IKZF2: variants seen among roughly 807,000 people sequenced by gnomAD.
IKZF2 encodes the protein IKAROS family zinc finger 2, also known as zinc finger protein Helios.
IKZF2 carries 15 observed loss-of-function variants against 49.2 expected under a neutral mutation model. The observed-to-expected ratio is 0.30, with a 90% confidence interval of 0.20 to 0.47. The LOEUF (loss-of-function observed/expected upper bound fraction) is 0.47, where lower values mean the gene tolerates loss of function less well. IKZF2 is among the 20% of genes least tolerant of loss of function. The pLI is 1.00. For missense variants in IKZF2, 567 were observed against 664.6 expected, an observed-to-expected ratio of 0.85 and a Z score of 1.61; for synonymous variants, 227 against 221.4, an observed-to-expected ratio of 1.03 and a Z score of -0.23.
At chr2:213,049,456 T>C (rs1559206857) in intron 6 of IKZF2, among the ~76,000 whole-genome samples, 1 of 152,142 alleles carries the variant, frequency 6.6e-6, no homozygotes, top group Non-Finnish European at 1.5e-5. Flanking sequence ...AGAAAATATA[T>C]AACAGCTGTT....
At position 213,057,115 on chromosome 2, in the gene IKZF2, A is replaced by T; in HGVS notation, c.140-16T>A. 1 of 1,605,188 alleles carries T rather than the reference A, an allele frequency of 6.2e-7. No individual in the cohort carries two copies. The highest frequency in any genetic ancestry group is 8.5e-7 in the Non-Finnish European group (1 of 1,175,990). On this transcript the variant is annotated splice_polypyrimidine_tract_variant and intron_variant, in intron 4 of 8. Coordinates refer to ENST00000434687, the MANE Select transcript of IKZF2 (RefSeq NM_001387220.1). ...ACTGAATTTGCTGTAATTTGAAAAG[A>T]AGAAAATAAATTTTAAATACATGTT...
chr2:213,029,906 T>C (rs1468833899), intron 6 of IKZF2, among the ~76,000 whole-genome samples: 2 of 152,126 alleles, frequency 1.3e-5, no homozygotes, highest in Non-Finnish European at 2.9e-5. Flanking sequence ...TAATAAAATG[T>C]AATTTGTATT....
chr2:213,013,647 G>C (rs1283348771), intron 8 of IKZF2, 144 bp downstream of exon 8: 2 of 691,558 alleles, frequency 2.9e-6, no homozygotes, highest in Non-Finnish European at 4.7e-6. Flanking sequence ...CAGAATGTCA[G>C]AGAGTAAAAA....
rs530910078 is a variant in IKZF2, at chr2:213,052,305, T to C, written c.407-2425A>G. 2.0e-5 allele frequency among the ~76,000 whole-genome samples: 3 copies of C among 151,980 alleles called. No homozygotes were observed. The East Asian group carries it at 5.8e-4, about 29-fold the overall frequency. The stretch of plus-strand genomic sequence containing the variant: ...AGTCTTTGGTAAGTTCCCAAGGACA[T>C]GGGAAGTAAAGAAGAACAAGGCATG... On this transcript the variant is annotated intron_variant, in intron 5 of 8. Coordinates refer to ENST00000434687, the MANE Select transcript of IKZF2 (RefSeq NM_001387220.1).
At position 213,001,746 on chromosome 2, in the gene IKZF2, T is replaced by G. The variant is rs2124943531; in HGVS notation, c.*5614A>C. ...AAGGGAGACGGACAAAGAAAGAGGC[T>G]GAGGGAGATGTAACAAAATTTAAGA... On this transcript the variant is annotated 3_prime_UTR_variant, in exon 9 of 9. Transcript: ENST00000434687. The G allele has an allele frequency of 6.6e-6, 1 of 151,788 alleles. No individual in the cohort carries two copies. Among genetic ancestry groups the G allele is most frequent in the East Asian group, 1.9e-4 (1 of 5,148 alleles). The allele number at this position is 151,788 out of a possible 1,614,324, so 9.4% of individuals were successfully genotyped here.
intron 4 of IKZF2, among the ~76,000 whole-genome samples, chr2:213,062,796 C>G (rs1193730541): frequency 6.6e-6 from 1 of 151,908 alleles, no homozygotes; most frequent in Non-Finnish European, 1.5e-5. Flanking sequence ...TGCTTCTACA[C>G]TAATATAACT....
intron 8 of IKZF2, among the ~76,000 whole-genome samples, chr2:213,008,739 T>C (rs1429507128): frequency 6.6e-6 from 1 of 152,080 alleles, no homozygotes; most frequent in African/African-American, 2.4e-5. Flanking sequence ...TCAGAGACTA[T>C]GCTTGATTTT....
At chr2:213,089,382 C>T (rs74921664) in intron 4 of IKZF2, among the ~76,000 whole-genome samples, 6,076 of 152,184 alleles carry the variant, frequency 0.04, 253 homozygotes, top group African/African-American at 0.11. Context: ...TTTGTGCAGG[C>T]CTCCTCACAG....
At chr2:213,076,639 T>C (rs1703293903) in intron 4 of IKZF2, among the ~76,000 whole-genome samples, 1 of 152,234 alleles carries the variant, frequency 6.6e-6, no homozygotes, top group Non-Finnish European at 1.5e-5. Flanking sequence ...ATGAGATATG[T>C]CATTTCCCTA....
At chr2:213,084,671 A>T (rs1308209943) in intron 4 of IKZF2, among the ~76,000 whole-genome samples, 1 of 152,116 alleles carries the variant, frequency 6.6e-6, no homozygotes, top group African/African-American at 2.4e-5. Flanking sequence ...TTAAGTCCCA[A>T]TATCAGGTGA....
intron 8 of IKZF2, among the ~76,000 whole-genome samples, chr2:213,012,973 T>C (rs1446787723): frequency 6.6e-6 from 1 of 152,052 alleles, no homozygotes; most frequent in Non-Finnish European, 1.5e-5. Context: ...TCCATGCTTT[T>C]TGTATCCTCA....
intron 4 of IKZF2, among the ~76,000 whole-genome samples, chr2:213,094,771 G>T (rs912629692): frequency 2.6e-5 from 4 of 152,118 alleles, no homozygotes; most frequent in Non-Finnish European, 4.4e-5. Context: ...GTAAAGAAAG[G>T]CTAGATAAGA....
chr2:213,059,891 G>A (rs868640008), intron 4 of IKZF2, among the ~76,000 whole-genome samples: 4 of 151,076 alleles, frequency 2.6e-5, no homozygotes, highest in East Asian at 1.9e-4. Context: ...TGCTAAAACC[G>A]AAATAGACAA....
chr2:213,137,345 C>T (rs2060713205), intron 4 of IKZF2, among the ~76,000 whole-genome samples: 1 of 152,044 alleles, frequency 6.6e-6, no homozygotes, highest in Non-Finnish European at 1.5e-5. Context: ...TAATAGAAGT[C>T]ATTTTACATT....
intron 4 of IKZF2, among the ~76,000 whole-genome samples, chr2:213,072,028 CAAAAA>C (rs1702760928): frequency 1.3e-5 from 2 of 151,972 alleles, no homozygotes; most frequent in Non-Finnish European, 2.9e-5. Context: ...GAACATTGGT[CAAAAA>C]TAATAGCTTG....
At chr2:213,051,586 T>C (rs1173225549) in intron 5 of IKZF2, among the ~76,000 whole-genome samples, 2 of 151,912 alleles carry the variant, frequency 1.3e-5, no homozygotes, top group Non-Finnish European at 2.9e-5. Context: ...AGATCTTTTT[T>C]ACTTTTACAC....
chr2:213,123,937 T>C (rs559573328), intron 4 of IKZF2, among the ~76,000 whole-genome samples: 4 of 13,662 alleles, frequency 2.9e-4, no homozygotes, highest in African/African-American at 5.0e-4. Context: ...GCTTGAGTCT[T>C]AGTGAAAAAA....
intron 8 of IKZF2, among the ~76,000 whole-genome samples, chr2:213,010,238 A>G (rs1468394025): frequency 6.6e-6 from 1 of 152,122 alleles, no homozygotes; most frequent in Non-Finnish European, 1.5e-5. Flanking sequence ...TGTAGAAATG[A>G]GTCATCAGTT....
At chr2:213,074,457 T>C (rs1703042656) in intron 4 of IKZF2, among the ~76,000 whole-genome samples, 1 of 152,202 alleles carries the variant, frequency 6.6e-6, no homozygotes, top group Admixed American at 6.5e-5. Flanking sequence ...AATACCCTAT[T>C]TATAATATTA....
Sources: gnomAD v4.1 joint callset for allele counts (sites outside exome capture counted in the v4.1 genomes callset) on GRCh38, gnomAD v4.1.1 for gene constraint, MANE v1.5 for transcripts, NCBI Gene and HGNC (gene_info 2026-07-23, HGNC 2026-07-21) for gene names.